Variants in EPHA6 observed in about 807,000 individuals in gnomAD.
EPHA6 encodes EPH receptor A6.
A neutral mutation model predicts 112.0 loss-of-function variants in EPHA6; 50 were observed. That is an observed-to-expected ratio of 0.45 (90% confidence interval 0.36 to 0.56). The LOEUF (loss-of-function observed/expected upper bound fraction) is 0.56, where lower values mean the gene tolerates loss of function less well. Among genes scored for constraint, EPHA6 ranks in the 20% least tolerant of loss-of-function variants. The probability of loss-of-function intolerance (pLI) is 0.00; values close to 1 mark genes in which losing one functional copy is unlikely to be tolerated. For synonymous variants in EPHA6, 529 were observed against 490.7 expected, an observed-to-expected ratio of 1.08 and a Z score of -1.03; for missense variants, 1,280 against 1,417.4, an observed-to-expected ratio of 0.90 and a Z score of 1.56.
chr3:97,654,058 C>T (rs1016236553), intron 14 of EPHA6, among the ~76,000 whole-genome samples: 1 of 151,756 alleles, frequency 6.6e-6, no homozygotes, highest in Non-Finnish European at 1.5e-5. Flanking sequence ...AGAGCTAATA[C>T]ACAATACTAA....
chr3:97,385,253 A>G (rs1464772551), intron 5 of EPHA6, among the ~76,000 whole-genome samples: 1 of 152,222 alleles, frequency 6.6e-6, no homozygotes, highest in Non-Finnish European at 1.5e-5. Flanking sequence ...TTATTTAAGT[A>G]TCTTTACTTT....
chr3:97,071,914 T>A (rs2046371630), intron 3 of EPHA6, among the ~76,000 whole-genome samples: 3 of 152,060 alleles, frequency 2.0e-5, no homozygotes, highest in Admixed American at 2.0e-4. Flanking sequence ...TGTGTCATTC[T>A]TATGCCTTTG....
intron 3 of EPHA6, among the ~76,000 whole-genome samples, chr3:97,053,980 C>T (rs2108094916): frequency 6.6e-6 from 1 of 152,150 alleles, no homozygotes; most frequent in South Asian, 2.1e-4. Context: ...GGGTCTGTAA[C>T]ATCAGAACCA....
Position 97,371,602 on chromosome 3 carries a change from A to G in EPHA6, c.1607-33548A>G, listed in dbSNP as rs113022751. ...GTTAACTGCACAAATTGTTTAAACA[A>G]TATGAAATCTGGGCACCTTGAAAAA... On this transcript the variant is annotated intron_variant, in intron 5 of 17. Coordinates refer to ENST00000389672, the MANE Select transcript of EPHA6 (RefSeq NM_001080448.3). 9.5e-3 allele frequency among the ~76,000 whole-genome samples: 1,451 copies of G among 152,218 alleles called. 25 individuals are homozygous for G. The highest frequency in any genetic ancestry group is 0.032 in the African/African-American group (1,325 of 41,544).
intron 11 of EPHA6, among the ~76,000 whole-genome samples, chr3:97,561,445 A>G (rs2093190888): frequency 6.6e-6 from 1 of 152,098 alleles, no homozygotes; most frequent in East Asian, 1.9e-4. Flanking sequence ...GTCTGGATAG[A>G]TCAAACCACA....
At chr3:97,141,584 GA>G (rs1372884503) in intron 3 of EPHA6, among the ~76,000 whole-genome samples, 8 of 151,986 alleles carry the variant, frequency 5.3e-5, no homozygotes, top group African/African-American at 1.9e-4. Context: ...GCTTCTGAAT[GA>G]CTTTTTGGTA....
chr3:96,852,012 T>G (rs960004503), intron 1 of EPHA6, among the ~76,000 whole-genome samples: 1 of 151,690 alleles, frequency 6.6e-6, no homozygotes, highest in African/African-American at 2.4e-5. Flanking sequence ...ATTTGCAAAT[T>G]GTGTTTTGTT....
chr3:97,244,222 G>C lies in EPHA6; in HGVS notation c.1541G>C (p.Gly514Ala). Residue 514 changes from glycine (G) to alanine (A), a missense_variant, in exon 5 of 18, where the codon GGA becomes GCA. This residue lies in a region of EPHA6 where 878 missense variants were observed against 999.7 expected (regional missense o/e 0.88). Transcript: ENST00000389672. ...ACCTTTGAAATAGAAGCAATGAATG[G>C]AGTTTCTGAGTTGAGTTTTTCTCCC... ...NYTFEIEAMNGVSELSFSPKP... is the reference protein window; with the variant it reads ...NYTFEIEAMNAVSELSFSPKP... The C allele has an allele frequency of 6.2e-7, 1 of 1,613,120 alleles. No individual in the cohort carries two copies. The highest frequency in any genetic ancestry group is 8.5e-7 in the Non-Finnish European group (1 of 1,179,342).
intron 13 of EPHA6, among the ~76,000 whole-genome samples, chr3:97,625,859 G>C (rs1010980662): frequency 6.6e-6 from 1 of 151,702 alleles, no homozygotes; most frequent in African/African-American, 2.4e-5. Context: ...AAGGAACCTA[G>C]TGGAGGATTG....
intron 2 of EPHA6, among the ~76,000 whole-genome samples, chr3:96,975,607 A>G (rs2042489934): frequency 6.6e-6 from 1 of 152,224 alleles, no homozygotes; most frequent in African/African-American, 2.4e-5. Context: ...CTTAAGGATC[A>G]TTACATCCAA....
At chr3:97,732,788 C>G (rs974621313) in intron 15 of EPHA6, among the ~76,000 whole-genome samples, 4 of 152,006 alleles carry the variant, frequency 2.6e-5, no homozygotes, top group African/African-American at 9.7e-5. Context: ...CTTGAAAGTA[C>G]TCAAGAGCTC....
chr3:97,233,360 A>G (rs1199144080), intron 4 of EPHA6, among the ~76,000 whole-genome samples: 3 of 151,896 alleles, frequency 2.0e-5, no homozygotes, highest in African/African-American at 7.3e-5. Context: ...TATGTCTTCT[A>G]AAACTTAAAA....
chr3:97,019,780 A>G (rs1036466654), intron 3 of EPHA6, among the ~76,000 whole-genome samples: 4 of 152,092 alleles, frequency 2.6e-5, no homozygotes, highest in Admixed American at 1.3e-4. Context: ...CACACAATAT[A>G]TACGTGTATA....
At chr3:96,995,125 G>A (rs2043372410) in intron 3 of EPHA6, among the ~76,000 whole-genome samples, 1 of 152,032 alleles carries the variant, frequency 6.6e-6, no homozygotes. Flanking sequence ...CTCTTGAAGA[G>A]TGTTGTTATT....
At chr3:96,953,310 G>A (rs1390212182) in intron 2 of EPHA6, among the ~76,000 whole-genome samples, 2 of 152,010 alleles carry the variant, frequency 1.3e-5, no homozygotes, top group Non-Finnish European at 2.9e-5. Context: ...TTCACTTAGT[G>A]TTTGTATTAT....
intron 3 of EPHA6, among the ~76,000 whole-genome samples, chr3:97,203,333 A>G (rs915103731): frequency 3.9e-5 from 6 of 152,096 alleles, no homozygotes; most frequent in African/African-American, 1.4e-4. Context: ...GACAGATTTA[A>G]CATGTATTTA....
intron 16 of EPHA6, among the ~76,000 whole-genome samples, chr3:97,744,508 G>A (rs1468603892): frequency 6.6e-6 from 1 of 151,952 alleles, no homozygotes; most frequent in Non-Finnish European, 1.5e-5. Context: ...ACAATGAGGG[G>A]ACCCTGACCT....
chr3:97,361,590 C>A (rs137932021), intron 5 of EPHA6, among the ~76,000 whole-genome samples: 1 of 152,114 alleles, frequency 6.6e-6, no homozygotes, highest in East Asian at 1.9e-4. Context: ...GCTGGTGGGA[C>A]TCTGCAGAGT....
chr3:97,485,833 G>T (rs2091685829), intron 10 of EPHA6, among the ~76,000 whole-genome samples: 1 of 152,154 alleles, frequency 6.6e-6, no homozygotes, highest in South Asian at 2.1e-4. Flanking sequence ...TTGCACCTGT[G>T]AAAAACTGAT....
Sources: gnomAD v4.1 joint callset for allele counts (sites outside exome capture counted in the v4.1 genomes callset) on GRCh38, gnomAD v4.1.1 for gene constraint, gnomAD v4.1.1 regional missense constraint, MANE v1.5 for transcripts, NCBI Gene and HGNC (gene_info 2026-07-23, HGNC 2026-07-21) for gene names.